ABI2: variants seen among roughly 807,000 people sequenced by gnomAD.
The protein encoded by ABI2 is abelson interactor 2.
Under a neutral mutation model 59.2 loss-of-function variants are expected in ABI2, and 25 were observed. The observed-to-expected ratio is 0.42, with a 90% CI of 0.31 to 0.59. The LOEUF (loss-of-function observed/expected upper bound fraction) is 0.59, where lower values mean the gene tolerates loss of function less well. Ranked by LOEUF, ABI2 falls within the 20% of genes least tolerant of loss-of-function variation. The pLI is 0.14. For missense variants in ABI2, 545 were observed against 681.8 expected (o/e 0.80, Z 2.23); for synonymous variants, 213 against 235.5 (o/e 0.90, Z 0.87).
chr2:203,365,164 A>G (rs1224717477), intron 1 of ABI2, among the ~76,000 whole-genome samples: 1 of 152,222 alleles, frequency 6.6e-6, no homozygotes, highest in Non-Finnish European at 1.5e-5. Context: ...AACTTAGGTT[A>G]TCATTTTGGA....
intron 1 of ABI2, among the ~76,000 whole-genome samples, chr2:203,345,057 G>C (rs527883807): frequency 6.6e-5 from 10 of 152,126 alleles, no homozygotes; most frequent in Non-Finnish European, 1.3e-4. Flanking sequence ...GCAACCCGCC[G>C]GGGTCCTCTT....
chr2:203,396,041 TA>T (rs1225556153), intron 7 of ABI2, among the ~76,000 whole-genome samples: 9 of 152,246 alleles, frequency 5.9e-5, no homozygotes, highest in Admixed American at 5.9e-4. Flanking sequence ...AGTACAAGTT[TA>T]ATTCCAGCTA....
At chr2:203,342,060 A>G in intron 1 of ABI2, 1 of 359,278 alleles carries the variant, frequency 2.8e-6, no homozygotes, top group South Asian at 2.2e-5. Context: ...GAAGAGAGGA[A>G]TTATGTTCAT....
intron 10 of ABI2, among the ~76,000 whole-genome samples, chr2:203,411,759 C>T (rs2097686086): frequency 6.6e-6 from 1 of 152,074 alleles, no homozygotes. Flanking sequence ...TTCCAGATAT[C>T]AGAAGGGCCT....
At chr2:203,419,626 C>A (rs560955399) in intron 11 of ABI2, among the ~76,000 whole-genome samples, 3 of 152,066 alleles carry the variant, frequency 2.0e-5, no homozygotes, top group East Asian at 3.9e-4. Context: ...ATCTGCCCAC[C>A]TCTGCCTCCC....
At chr2:203,332,014 T>C (rs1239396798) in intron 1 of ABI2, among the ~76,000 whole-genome samples, 4 of 151,556 alleles carry the variant, frequency 2.6e-5, no homozygotes, top group Non-Finnish European at 4.4e-5. Flanking sequence ...TTTGCCATGT[T>C]GGCCAGGCTA....
At chr2:203,370,184 T>C (rs1045704092) in intron 2 of ABI2, among the ~76,000 whole-genome samples, 13 of 115,366 alleles carry the variant, frequency 1.1e-4, no homozygotes, top group Non-Finnish European at 2.0e-4. Flanking sequence ...GTCATTCTCC[T>C]ATTCTCTCTC....
chr2:203,378,391 G>A lies in ABI2; in HGVS notation c.286-1817G>A, dbSNP rs893898384. Among the ~76,000 whole-genome samples the A allele has an allele frequency of 5.3e-5, 8 of 152,152 alleles. No individual in the cohort carries two copies. The East Asian group carries it at 5.8e-4, about 11-fold the overall frequency. On this transcript the variant is annotated intron_variant, in intron 2 of 11. Transcript: ENST00000261018. ...CTCCCAAAGTGCTGGGATTATAGGC[G>A]TGAGCCACCATGCCTGGCTGAGATT...
intron 1 of ABI2, among the ~76,000 whole-genome samples, chr2:203,365,818 A>G (rs886785767): frequency 6.6e-6 from 1 of 151,040 alleles, no homozygotes; most frequent in African/African-American, 2.4e-5. Flanking sequence ...TTTAGTAGAG[A>G]CGGGGTTTCA....
chr2:203,349,202 A>G (rs1330933068), intron 1 of ABI2, among the ~76,000 whole-genome samples: 1 of 151,768 alleles, frequency 6.6e-6, no homozygotes, highest in Non-Finnish European at 1.5e-5. Flanking sequence ...TTGGCTTCCC[A>G]AAGTGCTGGG....
chr2:203,378,447 A>G lies in ABI2; in HGVS notation c.286-1761A>G, dbSNP rs542414403. Among the ~76,000 whole-genome samples, 99 of 152,254 alleles carry G rather than the reference A, an allele frequency of 6.5e-4. 1 individual carries two copies. Among genetic ancestry groups the G allele is most frequent in the African/African-American group, 2.2e-3 (93 of 41,564 alleles). The stretch of plus-strand genomic sequence containing the variant: ...TTTCTTGAATACTTAAAATTGTAAG[A>G]TTACTACCATGGTTAGTTTTTTATT... On this transcript the variant is annotated intron_variant, in intron 2 of 11. Transcript: ENST00000261018.
intron 2 of ABI2, chr2:203,367,247 GTAATGAATT>G: frequency 1.6e-6 from 1 of 636,768 alleles, no homozygotes; most frequent in Non-Finnish European, 2.2e-6. Flanking sequence ...AAAGTAAATC[GTAATGAATT>G]TTATTAAAAC....
rs369482737 is a variant in ABI2, at chr2:203,392,529, C to G, written c.578+1386C>G. Among the ~76,000 whole-genome samples, 89 of 152,204 alleles carry G rather than the reference C, an allele frequency of 5.8e-4. 1 individual carries two copies. In the South Asian group the frequency reaches 0.014, roughly 23 times the overall value. On this transcript the variant is annotated intron_variant, in intron 5 of 11. Transcript: ENST00000261018. ...TTTATTAGGAGTGGACAAAATAATT[C>G]TGCTTAGAGAGAGAGAAAATCTAGT...
At position 203,364,474 on chromosome 2, in the gene ABI2, A is replaced by G. The variant is rs141701114; in HGVS notation, c.118-2403A>G. Among the ~76,000 whole-genome samples, 440 of 152,300 alleles carry G rather than the reference A, an allele frequency of 2.9e-3. 4 individuals carry two copies. Among genetic ancestry groups the G allele is most frequent in the African/African-American group, 0.01 (429 of 41,564 alleles). On this transcript the variant is annotated intron_variant, in intron 1 of 11. Coordinates refer to ENST00000261018, the MANE Select transcript of ABI2 (RefSeq NM_001375670.1). ...GCGAGAATTCTACCACTGAACCACC[A>G]TTGCGCTGACTTATCCGTAGAGCAG...
intron 11 of ABI2, among the ~76,000 whole-genome samples, chr2:203,424,824 T>A (rs566089248): frequency 6.6e-6 from 1 of 152,218 alleles, no homozygotes; most frequent in East Asian, 1.9e-4. Context: ...TCTACCATTA[T>A]AAACAGTCTC....
At chr2:203,358,799 C>T (rs2092847704) in intron 1 of ABI2, among the ~76,000 whole-genome samples, 1 of 152,182 alleles carries the variant, frequency 6.6e-6, no homozygotes, top group Non-Finnish European at 1.5e-5. Context: ...CACTTAAATC[C>T]ATGAGTTTGA....
intron 1 of ABI2, among the ~76,000 whole-genome samples, chr2:203,350,296 C>T (rs375190652): frequency 6.6e-5 from 10 of 152,194 alleles, no homozygotes; most frequent in South Asian, 6.2e-4. Flanking sequence ...TGGCTGGCCT[C>T]GAACTCTTGA....
chr2:203,351,831 C>T (rs1576487463), intron 1 of ABI2, among the ~76,000 whole-genome samples: 2 of 152,140 alleles, frequency 1.3e-5, no homozygotes. Context: ...CTACCGCACC[C>T]AGCCGGTTTT....
chr2:203,359,507 A>G (rs2093032425), intron 1 of ABI2, among the ~76,000 whole-genome samples: 1 of 152,242 alleles, frequency 6.6e-6, no homozygotes, highest in Admixed American at 6.5e-5. Flanking sequence ...ATATTCAAAT[A>G]TGTGCAAGTA....
Sources: gnomAD v4.1 joint callset for allele counts (sites outside exome capture counted in the v4.1 genomes callset) on GRCh38, gnomAD v4.1.1 for gene constraint, MANE v1.5 for transcripts, NCBI Gene and HGNC (gene_info 2026-07-23, HGNC 2026-07-21) for gene names.